LRRN3: variants seen among roughly 807,000 people sequenced by gnomAD.
LRRN3 encodes leucine-rich repeat neuronal protein 3.
A neutral mutation model predicts 40.1 loss-of-function variants in LRRN3; 15 were observed. That is an observed-to-expected ratio of 0.37 (90% CI 0.25 to 0.58). The LOEUF (loss-of-function observed/expected upper bound fraction) is 0.58, where lower values mean the gene tolerates loss of function less well. Among genes scored for constraint, LRRN3 ranks in the 20% least tolerant of loss-of-function variants. The pLI, the probability that LRRN3 is intolerant of heterozygous loss-of-function variation, is 0.72. For synonymous variants in LRRN3, 308 were observed against 297.2 expected, an observed-to-expected ratio of 1.04 and a Z score of -0.37; for missense variants, 746 against 837.7, an observed-to-expected ratio of 0.89 and a Z score of 1.35.
chr7:111,097,428 T>C (rs1281144669), intron 1 of LRRN3: 1 of 151,932 alleles, frequency 6.6e-6, no homozygotes, highest in Non-Finnish European at 1.5e-5. Flanking sequence ...TCTAAAATTA[T>C]CAAATTAATA....
chr7:111,116,807 A>C (rs199992247), intron 2 of LRRN3, among the ~76,000 whole-genome samples: 1 of 152,180 alleles, frequency 6.6e-6, no homozygotes, highest in East Asian at 1.9e-4. Context: ...CAGTGCACCT[A>C]TACAGTTGGA....
rs776949357 is a variant in LRRN3 at position 111,122,976 on chromosome 7, A to G, written c.204A>G (p.Pro68=). The G allele has an allele frequency of 6.2e-7, 1 of 1,614,088 alleles. No homozygotes were observed. ...TTTTAACTTTCCCAGCCAGATTGCC[A>G]GCTAACACACAGATTCTTCTCCTAC... is the stretch of plus-strand genomic sequence containing the variant. ...LGLLTFPARL[P]ANTQILLLQT... The change falls in exon 3 of 3, where the codon CCA becomes CCG. Residue 68 remains proline (P), a synonymous_variant. Coordinates refer to ENST00000308478, the MANE Select transcript of LRRN3 (RefSeq NM_001099658.2).
In LRRN3 at chr7:111,123,906, G is replaced by A; in HGVS notation, c.1134G>A (p.Trp378Ter). 6.2e-7 allele frequency: 1 copy of A among 1,613,992 alleles called. No individual in the cohort carries two copies. The highest frequency in any genetic ancestry group is 8.5e-7 in the Non-Finnish European group (1 of 1,179,992). ...TCAGGTGTGACTGTGTCATCCGTTG[G>A]ATGAACATGAACAAAACCAACATTC... ...NPIRCDCVIRWMNMNKTNIRF... is the reference protein window; with the variant it reads ...NPIRCDCVIR The change falls in exon 3 of 3, where the codon TGG becomes TGA. Residue 378 changes from tryptophan (W) to a stop codon, truncating the protein, a stop_gained. Coordinates refer to ENST00000308478, the MANE Select transcript of LRRN3 (RefSeq NM_001099658.2). LOFTEE classifies it high-confidence loss of function. The surrounding 1 kb of genome is among the most constrained non-coding windows in gnomAD (Gnocchi z 6.4).
At position 111,124,885 on chromosome 7, in the gene LRRN3, ACAAATATGT is replaced by A; in HGVS notation, c.2115_2123del (p.Asn706_Ser708del). On this transcript the variant is annotated inframe_deletion, in exon 3 of 3. Transcript: ENST00000308478. ...AAAAGCAACTGTTATAGGTTTACCA[ACAAATATGT>A]CCTAAAAACCACCAAGGAAACCTAC... 1.3e-6 allele frequency: 2 copies of A among 1,587,116 alleles called. No individual in the cohort carries two copies. Among genetic ancestry groups the A allele is most frequent in the Non-Finnish European group, 1.7e-6 (2 of 1,171,664 alleles).
intron 2 of LRRN3, among the ~76,000 whole-genome samples, chr7:111,119,458 T>C (rs1449856776): frequency 6.6e-6 from 1 of 152,214 alleles, no homozygotes; most frequent in East Asian, 1.9e-4. Context: ...TCAATAAATG[T>C]TGACTGGATA....
At chr7:111,098,546 A>G (rs1797638821) in intron 1 of LRRN3, among the ~76,000 whole-genome samples, 1 of 151,782 alleles carries the variant, frequency 6.6e-6, no homozygotes, top group Admixed American at 6.6e-5. Flanking sequence ...AAACCACATC[A>G]TCTCTCTTAG....
chr7:111,108,255 C>G (rs1210737271), intron 2 of LRRN3, among the ~76,000 whole-genome samples: 2 of 152,124 alleles, frequency 1.3e-5, no homozygotes, highest in Non-Finnish European at 2.9e-5. Context: ...TTTCTCAGTA[C>G]TTAACACTCA....
At position 111,091,458 on chromosome 7, in the gene LRRN3, CACGCAAGG is replaced by C. The variant is rs890376725; in HGVS notation, c.-484_-477del. 4 of 152,176 alleles carry C rather than the reference CACGCAAGG, an allele frequency of 2.6e-5. No homozygotes were observed. The highest frequency in any genetic ancestry group is 9.7e-5 in the African/African-American group (4 of 41,440). 9.4% of individuals were successfully genotyped at this position (152,176 alleles called of 1,614,324 possible). A position where few individuals can be genotyped will look rare whatever the true frequency, so the allele number is the denominator to read the frequency against. ...TCAACCAAGGAACTGAGGAATCCAG[CACGCAAGG>C]ACATCGGAGGTGGGCTAGCACTGAA... On this transcript the variant is annotated 5_prime_UTR_variant, in exon 1 of 3. Coordinates refer to ENST00000308478, the MANE Select transcript of LRRN3 (RefSeq NM_001099658.2).
intron 1 of LRRN3, among the ~76,000 whole-genome samples, chr7:111,095,505 T>C (rs1797307688): frequency 6.6e-6 from 1 of 151,968 alleles, no homozygotes; most frequent in African/African-American, 2.4e-5. Context: ...AAGCCAATAT[T>C]CAATAATAGA....
chr7:111,104,617 T>C (rs539440394), intron 2 of LRRN3, among the ~76,000 whole-genome samples: 8 of 151,894 alleles, frequency 5.3e-5, no homozygotes, highest in African/African-American at 1.9e-4. Context: ...AATCCCCCTA[T>C]CTAGTCTTTT....
intron 2 of LRRN3, among the ~76,000 whole-genome samples, chr7:111,107,644 GTAA>G (rs917586855): frequency 1.3e-5 from 2 of 152,042 alleles, no homozygotes; most frequent in Non-Finnish European, 2.9e-5. Flanking sequence ...CACTAGTAAA[GTAA>G]TAATCTCAAA....
At position 111,123,225 on chromosome 7, in the gene LRRN3, G is replaced by T. The variant is rs1298190866; in HGVS notation, c.453G>T (p.Leu151Phe). ...NLQELYINHN[L>F]LSTISPGAFI... ...AAGAACTCTATATTAATCACAACTT[G>T]CTTTCTACAATTTCACCTGGAGCCT... Residue 151 changes from leucine to phenylalanine, a missense_variant, in exon 3 of 3, where the codon TTG becomes TTT. Physicochemically the swap from Leu to Phe is conservative, Grantham distance 22. Transcript: ENST00000308478. The surrounding 1 kb of genome is among the most constrained non-coding windows in gnomAD (Gnocchi z 6.4). 1 of 1,613,702 alleles carries T rather than the reference G, an allele frequency of 6.2e-7. No homozygotes were observed. Among genetic ancestry groups the T allele is most frequent in the Admixed American group, 1.7e-5 (1 of 59,922 alleles).
At position 111,091,406 on chromosome 7, in the gene LRRN3, G is replaced by T. The variant is rs1358671172; in HGVS notation, c.-539G>T. ...ACACACAAATGCACCTATTTATACCGGGCAAGAACACAACCATGTGATTAT... is the reference window on the plus strand; with the variant it reads ...ACACACAAATGCACCTATTTATACCTGGCAAGAACACAACCATGTGATTAT... On this transcript the variant is annotated 5_prime_UTR_variant, in exon 1 of 3. Transcript: ENST00000308478. The T allele has an allele frequency of 6.6e-6, 1 of 152,030 alleles. No individual in the cohort carries two copies. The highest frequency in any genetic ancestry group is 2.4e-5 in the African/African-American group (1 of 41,374). 9.4% of individuals were successfully genotyped at this position (152,030 alleles called of 1,614,324 possible). A position where few individuals can be genotyped will look rare whatever the true frequency, so the allele number is the denominator to read the frequency against.
intron 1 of LRRN3, among the ~76,000 whole-genome samples, chr7:111,096,420 T>C (rs1279778852): frequency 6.6e-6 from 1 of 151,682 alleles, no homozygotes; most frequent in African/African-American, 2.4e-5. Flanking sequence ...CTTTGTACCA[T>C]ACCACACTAT....
At chr7:111,111,915 T>TTTTA (rs1799254275) in intron 2 of LRRN3, among the ~76,000 whole-genome samples, 1 of 146,554 alleles carries the variant, frequency 6.8e-6, no homozygotes, top group African/African-American at 2.5e-5. Flanking sequence ...TATTTATATA[T>TTTTA]TTTATTTATA....
Position 111,124,743 on chromosome 7 carries a change from T to C in LRRN3, c.1971T>C (p.Gly657=). 1 of 1,613,890 alleles carries C rather than the reference T, an allele frequency of 6.2e-7. No homozygotes were observed. Among genetic ancestry groups the C allele is most frequent in the Non-Finnish European group, 8.5e-7 (1 of 1,179,968 alleles). Residue 657 remains glycine, a synonymous_variant, in exon 3 of 3, where the codon GGT becomes GGC. Transcript: ENST00000308478. ...SCLSPEMNCD[G]GHSYVRNYLQ... ...TCTCTCCAGAAATGAACTGTGATGG[T>C]GGACACAGCTATGTGAGGAATTACT...
chr7:111,108,840 T>C (rs1314978816), intron 2 of LRRN3, among the ~76,000 whole-genome samples: 1 of 152,106 alleles, frequency 6.6e-6, no homozygotes, highest in Non-Finnish European at 1.5e-5. Context: ...AAATGTATAA[T>C]AAGATGGAAA....
At chr7:111,101,527 T>A (rs145705425) in intron 2 of LRRN3, among the ~76,000 whole-genome samples, 82 of 151,596 alleles carry the variant, frequency 5.4e-4, no homozygotes, top group Non-Finnish European at 7.5e-4. Flanking sequence ...TGTCTACCAT[T>A]TTTGTTGTAG....
chr7:111,096,102 T>A lies in LRRN3; in HGVS notation c.-440-3779T>A, dbSNP rs964803147. 2.6e-5 allele frequency among the ~76,000 whole-genome samples: 4 copies of A among 152,140 alleles called. No homozygotes were observed. In the East Asian group the frequency reaches 7.7e-4, roughly 29 times the overall value. On this transcript the variant is annotated intron_variant, in intron 1 of 2. Transcript: ENST00000308478. Reference sequence around the variant, plus strand: ...AGAAGGATACAAAATATAAACACAATAATTGTGAATATTTGTTTAAAGCTC... The same window carrying A: ...AGAAGGATACAAAATATAAACACAAAAATTGTGAATATTTGTTTAAAGCTC...
Sources: allele counts gnomAD v4.1 joint callset (sites outside exome capture counted in the v4.1 genomes callset), GRCh38; gene constraint gnomAD v4.1.1; non-coding constraint Gnocchi (gnomAD v3.1); transcripts MANE v1.5; gene names NCBI Gene and HGNC (gene_info 2026-07-23, HGNC 2026-07-21).